VWCE: variants seen among roughly 807,000 people sequenced by gnomAD.
The protein encoded by VWCE is von Willebrand factor C and EGF domains, also known as von Willebrand factor C and EGF domain-containing protein.
In VWCE, 68 loss-of-function variants were observed where a neutral mutation model predicts 102.9. The observed-to-expected ratio is 0.66, with a 90% CI of 0.54 to 0.81. The LOEUF (loss-of-function observed/expected upper bound fraction) is 0.81, where lower values mean the gene tolerates loss of function less well. Ranked by LOEUF, VWCE falls within the 30% of genes least tolerant of loss-of-function variation. The pLI, the probability that VWCE is intolerant of heterozygous loss-of-function variation, is 0.00. For missense variants in VWCE, 1,137 were observed against 1,263.6 expected (o/e 0.90, Z 1.52); for synonymous variants, 497 against 515.4 (o/e 0.96, Z 0.48).
At chr11:61,275,258 T>G (rs1346474202) in intron 11 of VWCE, among the ~76,000 whole-genome samples, 5 of 152,154 alleles carry the variant, frequency 3.3e-5, no homozygotes, top group Non-Finnish European at 7.4e-5. Flanking sequence ...GGGAGAGGCT[T>G]TGATTTGAAG....
At chr11:61,272,579 C>T (rs1319411581) in intron 13 of VWCE, among the ~76,000 whole-genome samples, 1 of 151,926 alleles carries the variant, frequency 6.6e-6, no homozygotes, top group African/African-American at 2.4e-5. Context: ...TATTCAGAAA[C>T]ACAGAAACAC....
chr11:61,287,948 G>C (rs1855384836), intron 4 of VWCE, among the ~76,000 whole-genome samples: 1 of 151,862 alleles, frequency 6.6e-6, no homozygotes, highest in Non-Finnish European at 1.5e-5. Flanking sequence ...GAGGTCAGGA[G>C]ATTGAGATTA....
intron 11 of VWCE, 123 bp from the exon 12 acceptor site, chr11:61,274,707 G>A: frequency 1.4e-6 from 1 of 716,376 alleles, no homozygotes; most frequent in South Asian, 1.9e-5. Context: ...TCCACAGCAT[G>A]CTCCGTGCCC....
chr11:61,259,152 A>G lies in VWCE; in HGVS notation c.2391T>C (p.His797=). ...PTASPSRPVL[H]LLQLLLRTNL... is the part of the protein sequence containing the mutation. ...TCGTTCTTAAAAGGAGCTGGAGGAG[A>G]TGAAGCACCGGCCTCGAGGGTGATG... The change falls in exon 20 of 20, where the codon CAT becomes CAC. Residue 797 remains histidine, a synonymous_variant. Transcript: ENST00000335613. 1 of 1,614,106 alleles carries G rather than the reference A, an allele frequency of 6.2e-7. No homozygotes were observed. Among genetic ancestry groups the G allele is most frequent in the African/African-American group, 1.3e-5 (1 of 75,008 alleles).
At chr11:61,288,280 T>C (rs1855396885) in intron 4 of VWCE, among the ~76,000 whole-genome samples, 1 of 151,570 alleles carries the variant, frequency 6.6e-6, no homozygotes, top group Non-Finnish European at 1.5e-5. Context: ...GGGAGACAGA[T>C]TTCCCCAAAT....
chr11:61,283,435 G>C (rs1855210550), intron 5 of VWCE, among the ~76,000 whole-genome samples: 1 of 152,136 alleles, frequency 6.6e-6, no homozygotes, highest in Non-Finnish European at 1.5e-5. Flanking sequence ...TTTTGAGACA[G>C]AGTTTTGCTC....
intron 14 of VWCE, chr11:61,271,379 T>C: frequency 3.3e-6 from 1 of 307,060 alleles, no homozygotes; most frequent in Middle Eastern, 1.2e-3. Context: ...TCTCCTGACC[T>C]TGTGATCCAC....
intron 4 of VWCE, 63 bp downstream of exon 4, chr11:61,290,736 G>C (rs554134036): frequency 1.9e-6 from 3 of 1,542,518 alleles, no homozygotes; most frequent in Admixed American, 3.5e-5. Context: ...CCTGGCAGGA[G>C]GGGGAGGAGA....
At position 61,265,177 on chromosome 11, in the gene VWCE, G is replaced by A; in HGVS notation, c.2001C>T (p.Pro667=). The change falls in exon 17 of 20, where the codon CCC becomes CCT. Residue 667 remains proline, a synonymous_variant. Transcript: ENST00000335613. Reference sequence around the variant, plus strand: ...GGTGGAAAGGGTAGGTACAGGTGATGGGGCAGTCCACGGGGGAACAGGCCA... The same window carrying A: ...GGTGGAAAGGGTAGGTACAGGTGATAGGGCAGTCCACGGGGGAACAGGCCA... ...GSVACSPVDC[P]ITCTYPFHPD... 1 of 1,530,180 alleles carries A rather than the reference G, an allele frequency of 6.5e-7. No homozygotes were observed. Among genetic ancestry groups the A allele is most frequent in the South Asian group, 1.3e-5 (1 of 78,136 alleles). 94.8% of individuals were successfully genotyped at this position (1,530,180 alleles called of 1,614,324 possible).
At chr11:61,276,224 A>G (rs2134787749) in intron 11 of VWCE, among the ~76,000 whole-genome samples, 1 of 151,334 alleles carries the variant, frequency 6.6e-6, no homozygotes, top group South Asian at 2.1e-4. Context: ...CCAGGCCAAC[A>G]TGGTGAAACC....
At chr11:61,284,542 A>G (rs1371004977) in intron 5 of VWCE, among the ~76,000 whole-genome samples, 3 of 152,210 alleles carry the variant, frequency 2.0e-5, no homozygotes, top group Non-Finnish European at 2.9e-5. Context: ...CTAACCGCCA[A>G]TGTAATGGCA....
At position 61,294,642 on chromosome 11, in the gene VWCE, G is replaced by A. The variant is rs1233839643; in HGVS notation, c.110+286C>T. Among the ~76,000 whole-genome samples the A allele has an allele frequency of 2.0e-5, 3 of 152,102 alleles. No homozygotes were observed. The highest frequency in any genetic ancestry group is 4.4e-5 in the Non-Finnish European group (3 of 68,006). ...CACGTCCTGGGCTCCCCTCTCCAGA[G>A]GTCCGCGCTCCAGGGCACATTAGGA... On this transcript the variant is annotated intron_variant, in intron 1 of 19. Transcript: ENST00000335613. The surrounding 1 kb of genome is among the most constrained non-coding windows in gnomAD (Gnocchi z 6.3).
chr11:61,278,347 A>G (rs1243457370), intron 10 of VWCE, 47 bp downstream of exon 10: 1 of 1,602,710 alleles, frequency 6.2e-7, no homozygotes, highest in East Asian at 2.2e-5. Flanking sequence ...AAACCCCCAA[A>G]GGTTAAGAAA....
chr11:61,259,198 G>A lies in VWCE; in HGVS notation c.2345C>T (p.Ser782Phe), dbSNP rs751555303. Residue 782 changes from serine to phenylalanine, a missense_variant, in exon 20 of 20, where the codon TCC (serine) becomes TTC (phenylalanine). Around this residue, in one of 5 missense-constraint regions of VWCE, gnomAD observed 316 missense variants for 319.3 expected, o/e 0.99. Coordinates refer to ENST00000335613, the MANE Select transcript of VWCE (RefSeq NM_152718.2). ...TGATGCTGTCGGGGGCCCAGGACAG[G>A]AGCTACAGTTGACAGGGGCCTCAGT... ...GDTEAPVNCS[S>F]CPGPPTASPS... 1.2e-6 allele frequency: 2 copies of A among 1,614,194 alleles called. No individual in the cohort carries two copies. The highest frequency in any genetic ancestry group is 4.5e-5 in the East Asian group (2 of 44,886).
rs747748364 is a variant in VWCE, at chr11:61,273,165, TGCCCTGTGTCGGGGCA to T, written c.1699+18_1699+33del. On this transcript the variant is annotated intron_variant, in intron 13 of 19. Coordinates refer to ENST00000335613, the MANE Select transcript of VWCE (RefSeq NM_152718.2). The stretch of plus-strand genomic sequence containing the variant: ...GCTCAGCCTCTCTCCCCAGTATCCA[TGCCCTGTGTCGGGGCA>T]GCCCTGGACCAGCTCACCTGTCGAG... 1.2e-6 allele frequency: 2 copies of T among 1,604,342 alleles called. No homozygotes were observed. The highest frequency in any genetic ancestry group is 1.3e-5 in the African/African-American group (1 of 74,690).
chr11:61,281,775 C>G lies in VWCE; in HGVS notation c.787+11G>C, dbSNP rs533080682. The G allele has an allele frequency of 9.3e-5, 149 of 1,606,564 alleles. No individual in the cohort carries two copies. The South Asian group carries it at 1.6e-3, about 17-fold the overall frequency. On this transcript the variant is annotated intron_variant, in intron 7 of 19. Transcript: ENST00000335613. ...TGGCCAGCCGCCGGGATGGAGGGGC[C>G]TGGCGCTCACCTTCACAGGACACGC...
chr11:61,275,625 C>T (rs890196137), intron 11 of VWCE, among the ~76,000 whole-genome samples: 3 of 152,170 alleles, frequency 2.0e-5, no homozygotes, highest in Non-Finnish European at 4.4e-5. Context: ...CTTGAACTTT[C>T]CAAGCTTCAG....
chr11:61,264,626 G>T (rs975661424), intron 18 of VWCE, 49 bp from the exon 19 acceptor site: 1 of 1,555,320 alleles, frequency 6.4e-7, no homozygotes, highest in Non-Finnish European at 8.7e-7. Context: ...CATCTTGCCT[G>T]CCCTGGGCAG....
intron 15 of VWCE, 107 bp from the exon 16 acceptor site, chr11:61,267,651 G>A: frequency 2.0e-6 from 2 of 1,002,182 alleles, no homozygotes; most frequent in Non-Finnish European, 1.6e-6. Context: ...GGGAGGCCAT[G>A]TGCCTCCCCA....
Sources: gnomAD v4.1 joint callset for allele counts (sites outside exome capture counted in the v4.1 genomes callset) on GRCh38, gnomAD v4.1.1 for gene constraint, gnomAD v4.1.1 regional missense constraint, Gnocchi (gnomAD v3.1) non-coding constraint, MANE v1.5 for transcripts, NCBI Gene and HGNC (gene_info 2026-07-23, HGNC 2026-07-21) for gene names.